The following MUC6 variants were observed in gnomAD, a reference collection of about 807,000 sequenced individuals.
The protein encoded by MUC6 is mucin 6, oligomeric mucus/gel-forming (gene/pseudogene), also known as mucin-6.
A neutral mutation model predicts 201.5 loss-of-function variants in MUC6; 188 were observed. The observed-to-expected ratio is 0.93, with a 90% CI of 0.83 to 1.05. The LOEUF is 1.05. Ranked by LOEUF, MUC6 falls within the 50% of genes least tolerant of loss-of-function variation. MUC6 has a pLI of 0.00. For missense variants in MUC6, 2,706 were observed against 3,256.9 expected (o/e 0.83, Z 4.12); for synonymous variants, 1,228 against 1,389.4 (o/e 0.88, Z 2.58).
rs370064071 is a variant in MUC6, at chr11:1,025,898, G to A, written c.2706C>T (p.Asn902=). 7.4e-5 allele frequency: 119 copies of A among 1,611,484 alleles called. No homozygotes were observed. Among genetic ancestry groups the A allele is most frequent in the Non-Finnish European group, 8.7e-5 (103 of 1,179,246 alleles). Residue 902 remains asparagine, a synonymous_variant, in exon 22 of 33, where the codon AAC becomes AAT. Coordinates refer to ENST00000421673, the MANE Select transcript of MUC6 (RefSeq NM_005961.3). The part of the protein sequence containing the change: ...YILATDVCGV[N]DSQPTFKILT... ...GGATCTTGAAGGTGGGCTGTGAGTC[G>A]TTGACACCACAGACGTCCTGCAGGG... is the stretch of plus-strand genomic sequence containing the variant.
rs942713448 is a variant in MUC6 at position 1,027,285 on chromosome 11, G to A, written c.2214C>T (p.Val738=). ...TCCCTCACCAGGTGATGCCGTTGAT[G>A]ACAGTGGACTGCTCGGCCAGGATGA... The part of the protein sequence containing the change: ...YKFILAEQST[V]INGITCHCIN... Residue 738 remains valine (V), a synonymous_variant, in exon 17 of 33, where the codon GTC becomes GTT. Transcript: ENST00000421673. The A allele has an allele frequency of 4.3e-6, 7 of 1,612,446 alleles. No homozygotes were observed. In the African/African-American group the frequency reaches 9.3e-5, roughly 22 times the overall value.
Position 1,028,650 on chromosome 11 carries a change from G to A in MUC6, c.1587C>T (p.Thr529=). Residue 529 remains threonine (T), a synonymous_variant, in exon 13 of 33, where the codon ACC becomes ACT. Transcript: ENST00000421673. ...CCTGGAGAGGCAGGGACTCACCTCT[G>A]GTCTGACCTCTGAACTGGGGCCCAA... ...VTVGPQFRGQ[T]RGLCGNFNGD... 6.2e-7 allele frequency: 1 copy of A among 1,607,972 alleles called. No homozygotes were observed. The highest frequency in any genetic ancestry group is 8.5e-7 in the Non-Finnish European group (1 of 1,177,932).
chr11:1,025,429 G>A (rs975240026), intron 22 of MUC6, 62 bp from the exon 23 acceptor site: 41 of 1,551,072 alleles, frequency 2.6e-5, no homozygotes, highest in Admixed American at 3.4e-5. Context: ...GCACAGCCGT[G>A]CTGGACCGAG....
At position 1,023,975 on chromosome 11, in the gene MUC6, G is replaced by T. The variant is rs1482295833; in HGVS notation, c.3354C>A (p.Cys1118Ter). The T allele has an allele frequency of 1.2e-6, 2 of 1,612,690 alleles. No homozygotes were observed. Among genetic ancestry groups the T allele is most frequent in the Admixed American group, 3.3e-5 (2 of 59,940 alleles). The stretch of plus-strand genomic sequence containing the variant: ...AGAAGGCCGGGGTCCTCCAGTCCAC[G>T]CACACACCCTTGTCCAGACAGGCTT... ...YAQACLDKGV[C>*]VDWRTPAFCP... The change falls in exon 25 of 33, where the codon TGC becomes TGA. Residue 1118 changes from cysteine to a stop codon, truncating the protein, a stop_gained. Coordinates refer to ENST00000421673, the MANE Select transcript of MUC6 (RefSeq NM_005961.3). LOFTEE classifies it high-confidence loss of function.
chr11:1,020,508 G>C (rs565243667), intron 28 of MUC6, among the ~76,000 whole-genome samples, 176 bp downstream of exon 28: 1 of 152,254 alleles, frequency 6.6e-6, no homozygotes, highest in Admixed American at 6.5e-5. Context: ...GGACCAGGCT[G>C]CTTCCTGGCT....
intron 4 of MUC6, 44 bp downstream of exon 4, chr11:1,031,563 C>G: frequency 2.6e-6 from 4 of 1,536,462 alleles, no homozygotes; most frequent in South Asian, 1.2e-5. Flanking sequence ...CCTGCCCCCC[C>G]GTGCTGCGGG....
chr11:1,018,770 G>C lies in MUC6; in HGVS notation c.4031C>G (p.Pro1344Arg). ...PATSGTSPTLPKSTNQELPGT... is the reference protein window; with the variant it reads ...PATSGTSPTLRKSTNQELPGT... ...TGGCAGTTCCTGATTGGTCGATTTT[G>C]CTGTGGGAATTGGTGAAGTTGTCAT... is the stretch of plus-strand genomic sequence containing the variant. Residue 1344 changes from proline to arginine, a missense_variant and splice_region_variant, in exon 31 of 33, where the codon CCA becomes CGA. Around this residue, in one of 10 missense-constraint regions of MUC6, gnomAD observed 1,850 missense variants for 1,958.3 expected, o/e 0.94. Coordinates refer to ENST00000421673, the MANE Select transcript of MUC6 (RefSeq NM_005961.3). The C allele has an allele frequency of 6.4e-7, 1 of 1,557,634 alleles. No individual in the cohort carries two copies. Among genetic ancestry groups the C allele is most frequent in the Non-Finnish European group, 8.6e-7 (1 of 1,156,284 alleles).
chr11:1,025,940 G>A, intron 21 of MUC6, 25 bp from the exon 22 acceptor site: 3 of 1,599,298 alleles, frequency 1.9e-6, no homozygotes, highest in Non-Finnish European at 1.7e-6. Flanking sequence ...CGCTGAGGAG[G>A]AGCCCTGGAG....
At chr11:1,019,934 C>T in intron 29 of MUC6, 156 bp downstream of exon 29, 1 of 1,043,966 alleles carries the variant, frequency 9.6e-7, no homozygotes, top group Non-Finnish European at 1.4e-6. Flanking sequence ...CGAAAAATCC[C>T]CAGTTTGGCT....
intron 27 of MUC6, 104 bp downstream of exon 27, chr11:1,021,111 C>G: frequency 8.6e-7 from 1 of 1,165,490 alleles, no homozygotes; most frequent in Non-Finnish European, 1.2e-6. Flanking sequence ...CACGTAAGGG[C>G]TCACAGCCCC....
chr11:1,016,141 G>A lies in MUC6; in HGVS notation c.6660C>T (p.Phe2220=). 3 of 1,613,694 alleles carry A rather than the reference G, an allele frequency of 1.9e-6. No individual in the cohort carries two copies. The highest frequency in any genetic ancestry group is 2.5e-6 in the Non-Finnish European group (3 of 1,179,826). ...ATLPHTISSP[F]TLSALLPIST... ...ATATGGGGAGTAGAGCAGAGAGGGT[G>A]AAAGGAGAGGAGATAGTGTGGGGGA... The change falls in exon 31 of 33, where the codon TTC becomes TTT. Residue 2220 remains phenylalanine (F), a synonymous_variant. Transcript: ENST00000421673.
chr11:1,026,923 C>T lies in MUC6; in HGVS notation c.2394+18G>A, dbSNP rs748640089. The stretch of plus-strand genomic sequence containing the variant: ...CTGGGGCCCGGGCATTGTCCCTGCT[C>T]CTCGCGCGCCCCCTTACGCAGGCAA... On this transcript the variant is annotated intron_variant, in intron 19 of 32. Transcript: ENST00000421673. 2.6e-6 allele frequency: 4 copies of T among 1,548,988 alleles called. No individual in the cohort carries two copies. The highest frequency in any genetic ancestry group is 3.5e-6 in the Non-Finnish European group (4 of 1,143,526).
chr11:1,026,513 T>G (rs1160312225), intron 19 of MUC6, 35 bp from the exon 20 acceptor site: 8 of 1,534,298 alleles, frequency 5.2e-6, no homozygotes, highest in Non-Finnish European at 6.1e-6. Context: ...CCTGGGAGGG[T>G]GGCCTCAGCC....
chr11:1,036,436 G>A (rs574692011), intron 1 of MUC6, among the ~76,000 whole-genome samples, 168 bp downstream of exon 1: 8 of 152,292 alleles, frequency 5.3e-5, no homozygotes, highest in Non-Finnish European at 1.2e-4. Context: ...CTGCTGGGGG[G>A]ACCCGGGCCT....
chr11:1,026,673 C>G (rs1856967467), intron 19 of MUC6, among the ~76,000 whole-genome samples, 195 bp from the exon 20 acceptor site: 1 of 152,256 alleles, frequency 6.6e-6, no homozygotes, highest in Non-Finnish European at 1.5e-5. Context: ...GTCCTGGGAC[C>G]CAGTGCACAC....
intron 2 of MUC6, among the ~76,000 whole-genome samples, chr11:1,032,681 ATG>A (rs1396760824): frequency 1.4e-5 from 2 of 138,918 alleles, no homozygotes; most frequent in South Asian, 2.3e-4. Context: ...GTGTGTGTGC[ATG>A]TGTTTGTCAG....
At chr11:1,025,602 G>A (rs1395378223) in intron 22 of MUC6, among the ~76,000 whole-genome samples, 1 of 152,202 alleles carries the variant, frequency 6.6e-6, no homozygotes, top group African/African-American at 2.4e-5. Context: ...ACATTCTGCA[G>A]TCCCTGAAAC....
intron 25 of MUC6, 54 bp downstream of exon 25, chr11:1,023,887 GCCCTTA>G: frequency 6.3e-7 from 1 of 1,579,194 alleles, no homozygotes; most frequent in Non-Finnish European, 8.6e-7. Context: ...CCCTGCGCCG[GCCCTTA>G]GTGGCGCTGG....
At chr11:1,014,795 C>A (rs550952739) in intron 31 of MUC6, among the ~76,000 whole-genome samples, 1 of 152,180 alleles carries the variant, frequency 6.6e-6, no homozygotes, top group Non-Finnish European at 1.5e-5. Context: ...GGGCTTTCTC[C>A]GGGAGGGTCA....
Sources: gnomAD v4.1 joint callset for allele counts (sites outside exome capture counted in the v4.1 genomes callset) on GRCh38, gnomAD v4.1.1 for gene constraint, gnomAD v4.1.1 regional missense constraint, MANE v1.5 for transcripts, NCBI Gene and HGNC (gene_info 2026-07-23, HGNC 2026-07-21) for gene names.